Variants in ATM observed in about 807,000 individuals in gnomAD.
The protein encoded by ATM is serine-protein kinase ATM.
In ATM, 308 loss-of-function variants were observed where a neutral mutation model predicts 387.0. The ratio of observed to expected loss-of-function variants is 0.80; its 90% confidence interval spans 0.73 to 0.87. ATM has a LOEUF of 0.87. Among genes scored for constraint, ATM ranks in the 40% least tolerant of loss-of-function variants. The probability of loss-of-function intolerance (pLI) is 0.00; values close to 1 mark genes in which losing one functional copy is unlikely to be tolerated. For missense variants in ATM, 3,312 were observed against 3,560.9 expected, an observed-to-expected ratio of 0.93 and a Z score of 1.78; for synonymous variants, 1,156 against 1,187.3, an observed-to-expected ratio of 0.97 and a Z score of 0.54.
chr11:108,272,851 A>C lies in ATM; in HGVS notation c.3283A>C (p.Arg1095=), dbSNP rs876660302. 1.2e-6 allele frequency: 2 copies of C among 1,613,884 alleles called. No homozygotes were observed. The highest frequency in any genetic ancestry group is 1.7e-6 in the Non-Finnish European group (2 of 1,180,004). ...CATGTTGGCTGCAGAGTCAATCAAT[A>C]GGTAATGGGTCAAATATTCATGAAG... ...VRMLAAESIN[R]LFQDTKGDSS... The change falls in exon 22 of 63, where the codon AGA becomes CGA. Residue 1095 remains arginine (R), a splice_region_variant and synonymous_variant. Transcript: ENST00000675843.
Position 108,297,277 on chromosome 11 carries a change from T to C in ATM, c.4910-10T>C, listed in dbSNP as rs2083173059. ...CTAGTTTAAACTAATTTTTAAAAAATTATTTCTAGATAATCCGCAAGATGG... is the reference window on the plus strand; with the variant it reads ...CTAGTTTAAACTAATTTTTAAAAAACTATTTCTAGATAATCCGCAAGATGG... On this transcript the variant is annotated splice_polypyrimidine_tract_variant and intron_variant, in intron 32 of 62. Coordinates refer to ENST00000675843, the MANE Select transcript of ATM (RefSeq NM_000051.4). The C allele has an allele frequency of 1.2e-6, 2 of 1,611,614 alleles. No individual in the cohort carries two copies. The highest frequency in any genetic ancestry group is 1.1e-5 in the South Asian group (1 of 90,890).
chr11:108,240,534 T>C (rs1472969168), intron 5 of ATM, among the ~76,000 whole-genome samples: 3 of 152,230 alleles, frequency 2.0e-5, no homozygotes, highest in Non-Finnish European at 4.4e-5. Flanking sequence ...CTATATGGTA[T>C]TACTGCTCCT....
At chr11:108,354,527 A>G (rs2089644754) in intron 60 of ATM, among the ~76,000 whole-genome samples, 2 of 152,254 alleles carry the variant, frequency 1.3e-5, no homozygotes, top group African/African-American at 4.8e-5. Context: ...AATTGCCACA[A>G]TAATCAAAGA....
intron 4 of ATM, among the ~76,000 whole-genome samples, chr11:108,235,202 G>A (rs1455918504): frequency 6.6e-6 from 1 of 151,704 alleles, no homozygotes; most frequent in Non-Finnish European, 1.5e-5. Flanking sequence ...AGGCTGAGGT[G>A]GGAGAATTAC....
At chr11:108,226,003 T>C (rs903271557) in intron 1 of ATM, 4 of 152,174 alleles carry the variant, frequency 2.6e-5, no homozygotes, top group South Asian at 4.1e-4. Flanking sequence ...TCTTGAGATA[T>C]AGTTATTTGT....
chr11:108,362,693 G>A (rs923622838), intron 61 of ATM, among the ~76,000 whole-genome samples: 2 of 144,272 alleles, frequency 1.4e-5, no homozygotes, highest in African/African-American at 2.6e-5. Context: ...GTAAACTATC[G>A]CAAGAACAAA....
intron 1 of ATM, chr11:108,226,422 C>T (rs1335306684): frequency 6.6e-6 from 1 of 152,146 alleles, no homozygotes; most frequent in Non-Finnish European, 1.5e-5. Flanking sequence ...CAGAAGCCCC[C>T]AAAAGAAGAG....
intron 4 of ATM, chr11:108,229,603 C>T: frequency 3.4e-6 from 1 of 296,184 alleles, no homozygotes; most frequent in Non-Finnish European, 6.2e-6. Context: ...CTCAGGCCAG[C>T]CTGATTTTTA....
Position 108,235,750 on chromosome 11 carries a change from G to C in ATM, c.412G>C (p.Gly138Arg), listed in dbSNP as rs150661813. The C allele has an allele frequency of 1.9e-6, 3 of 1,612,812 alleles. No homozygotes were observed. Among genetic ancestry groups the C allele is most frequent in the Non-Finnish European group, 1.7e-6 (2 of 1,179,018 alleles). ...AGATTCATCTAATGGTGCTATTTAC[G>C]GAGCTGATTGTAGCAACATACTACT... ...VKDSSNGAIY[G>R]ADCSNILLKD... The change falls in exon 5 of 63, where the codon GGA becomes CGA. Residue 138 changes from glycine to arginine, a missense_variant. By Grantham distance (125) the Gly-to-Arg change is moderately radical. This residue lies in a region of ATM where 1,791 missense variants were observed against 1,804.5 expected (regional missense o/e 0.99). Coordinates refer to ENST00000675843, the MANE Select transcript of ATM (RefSeq NM_000051.4).
At chr11:108,252,103 C>G (rs2080186487) in intron 11 of ATM, 72 bp downstream of exon 11, 2 of 1,302,366 alleles carry the variant, frequency 1.5e-6, no homozygotes, top group African/African-American at 1.5e-5. Flanking sequence ...TTATTTGATG[C>G]CAGATGGCTT....
chr11:108,302,817 T>G, intron 35 of ATM, 36 bp from the exon 36 acceptor site: 1 of 1,561,044 alleles, frequency 6.4e-7, no homozygotes, highest in African/African-American at 1.4e-5. Context: ...GATTTCCACT[T>G]CTCTTATTTA....
At chr11:108,266,948 A>C (rs892421132) in intron 16 of ATM, among the ~76,000 whole-genome samples, 1 of 152,034 alleles carries the variant, frequency 6.6e-6, no homozygotes, top group Admixed American at 6.6e-5. Flanking sequence ...GGTGCCCACC[A>C]CCACACCCAG....
chr11:108,308,069 A>G lies in ATM; in HGVS notation c.5762+85A>G, dbSNP rs564521071. ...GGCTGAATTTTAACATGATTATTTT[A>G]GGTGAAGGTGTTGCAAAGTGTTATA... On this transcript the variant is annotated intron_variant, in intron 38 of 62. Coordinates refer to ENST00000675843, the MANE Select transcript of ATM (RefSeq NM_000051.4). 2.3e-5 allele frequency: 29 copies of G among 1,266,990 alleles called. No individual in the cohort carries two copies. The East Asian group carries it at 7.1e-4, about 31-fold the overall frequency. The allele number at this position is 1,266,990 out of a possible 1,614,324, so 78.5% of individuals were successfully genotyped here.
chr11:108,302,764 C>G, intron 35 of ATM, 89 bp from the exon 36 acceptor site: 1 of 1,252,846 alleles, frequency 8.0e-7, no homozygotes, highest in South Asian at 1.3e-5. Context: ...TAGCTTTATT[C>G]AGAAAGATTT....
intron 35 of ATM, among the ~76,000 whole-genome samples, chr11:108,302,001 G>A (rs562124068): frequency 2.6e-5 from 4 of 152,240 alleles, no homozygotes; most frequent in South Asian, 4.1e-4. Flanking sequence ...GTAACCTGAG[G>A]AAATAGTAGT....
chr11:108,368,051 A>G lies in ATM; in HGVS notation c.*2543A>G, dbSNP rs996013201. 16 of 207,676 alleles carry G rather than the reference A, an allele frequency of 7.7e-5. No individual in the cohort carries two copies. The highest frequency in any genetic ancestry group is 1.5e-4 in the East Asian group (2 of 13,586). 12.9% of individuals were successfully genotyped at this position (207,676 alleles called of 1,614,324 possible). A position where few individuals can be genotyped will look rare whatever the true frequency, so the allele number is the denominator to read the frequency against. The stretch of plus-strand genomic sequence containing the variant: ...TTGCATCCAGAGAGCTTTGAATAAC[A>G]TCATTAATCTACTCTTTAGCCTTGC... On this transcript the variant is annotated 3_prime_UTR_variant, in exon 63 of 63. Transcript: ENST00000675843.
intron 26 of ATM, among the ~76,000 whole-genome samples, chr11:108,285,211 C>T (rs544031341): frequency 1.3e-5 from 2 of 152,124 alleles, no homozygotes; most frequent in Non-Finnish European, 2.9e-5. Flanking sequence ...CTTCCCACCT[C>T]AGCCTCCCAA....
intron 61 of ATM, among the ~76,000 whole-genome samples, chr11:108,360,849 G>A (rs2090645640): frequency 9.9e-6 from 1 of 101,112 alleles, no homozygotes; most frequent in South Asian, 4.0e-4. Flanking sequence ...CATACTGAAT[G>A]GGCAAAAACT....
At chr11:108,357,253 G>A (rs1385880309) in intron 61 of ATM, among the ~76,000 whole-genome samples, 5 of 152,190 alleles carry the variant, frequency 3.3e-5, no homozygotes, top group Non-Finnish European at 5.9e-5. Flanking sequence ...AAAAAACGGC[G>A]CACCACGAGA....
Sources: gnomAD v4.1 joint callset for allele counts (sites outside exome capture counted in the v4.1 genomes callset) on GRCh38, gnomAD v4.1.1 for gene constraint, gnomAD v4.1.1 regional missense constraint, MANE v1.5 for transcripts, NCBI Gene and HGNC (gene_info 2026-07-23, HGNC 2026-07-21) for gene names.